Variants in PPARG observed in about 807,000 individuals in gnomAD.
The protein encoded by PPARG is peroxisome proliferator-activated receptor gamma.
Under a neutral mutation model 39.2 loss-of-function variants are expected in PPARG, and 17 were observed. The observed-to-expected ratio is 0.43, with a 90% CI of 0.30 to 0.65. PPARG has a LOEUF of 0.65. Among genes scored for constraint, PPARG ranks in the 30% least tolerant of loss-of-function variants. The pLI, the probability that PPARG is intolerant of heterozygous loss-of-function variation, is 0.13. For missense variants in PPARG, 406 were observed against 585.9 expected (o/e 0.69, Z 3.17); for synonymous variants, 223 against 215.7 (o/e 1.03, Z -0.30).
intron 4 of PPARG, among the ~76,000 whole-genome samples, chr3:12,387,161 A>G (rs937292250): frequency 2.0e-5 from 3 of 152,212 alleles, no homozygotes; most frequent in African/African-American, 7.2e-5. Context: ...GCTGTTGTGA[A>G]TAGTGCCATA....
rs1452115683 is a variant in PPARG, at chr3:12,410,574, G to A, written c.729+4493G>A. 3.9e-5 allele frequency among the ~76,000 whole-genome samples: 6 copies of A among 152,258 alleles called. No individual in the cohort carries two copies. The East Asian group carries it at 1.2e-3, about 29-fold the overall frequency. ...AAAACTTTTTATTTGTGCTATATTG[G>A]ACTTTGGGTTCCAAAGCATCACATT... On this transcript the variant is annotated intron_variant, in intron 6 of 7. Coordinates refer to ENST00000651735, the MANE Select transcript of PPARG (RefSeq NM_138711.6).
intron 2 of PPARG, among the ~76,000 whole-genome samples, chr3:12,335,461 G>A (rs918319043): frequency 2.0e-5 from 3 of 152,158 alleles, no homozygotes; most frequent in African/African-American, 7.2e-5. Context: ...CATTTTTAGA[G>A]TGTGGTTCCT....
chr3:12,291,484 G>A (rs2046647969), intron 1 of PPARG, among the ~76,000 whole-genome samples: 1 of 152,098 alleles, frequency 6.6e-6, no homozygotes, highest in Admixed American at 6.5e-5. Flanking sequence ...CTTACTGTTT[G>A]CGTTTTCTCA....
At chr3:12,305,107 C>T (rs1248248276) in intron 1 of PPARG, among the ~76,000 whole-genome samples, 4 of 151,822 alleles carry the variant, frequency 2.6e-5, no homozygotes, top group Non-Finnish European at 4.4e-5. Flanking sequence ...TCCCCTTTTT[C>T]GTTCCTGGTG....
At chr3:12,357,277 G>C (rs2048698339) in intron 2 of PPARG, among the ~76,000 whole-genome samples, 1 of 151,978 alleles carries the variant, frequency 6.6e-6, no homozygotes, top group Admixed American at 6.6e-5. Context: ...GACCCCTCTG[G>C]TCTTCTCTCT....
At chr3:12,377,785 A>G (rs1490890036) in intron 2 of PPARG, among the ~76,000 whole-genome samples, 2 of 152,186 alleles carry the variant, frequency 1.3e-5, no homozygotes, top group African/African-American at 2.4e-5. Flanking sequence ...CTTCACCACA[A>G]AGGAAATAAT....
Position 12,417,523 on chromosome 3 carries a change from G to A in PPARG, c.1180+369G>A, listed in dbSNP as rs570952572. On this transcript the variant is annotated intron_variant, in intron 7 of 7. Coordinates refer to ENST00000651735, the MANE Select transcript of PPARG (RefSeq NM_138711.6). The stretch of plus-strand genomic sequence containing the variant: ...TGTAAGTAATGGCATGTATAACTTT[G>A]CTTAAGACAATGCTCACTTGATGTA... 3.3e-5 allele frequency among the ~76,000 whole-genome samples: 5 copies of A among 152,148 alleles called. No homozygotes were observed. In the South Asian group the frequency reaches 1.0e-3, roughly 32 times the overall value.
intron 2 of PPARG, among the ~76,000 whole-genome samples, chr3:12,330,047 G>A (rs1005384889): frequency 6.6e-5 from 10 of 152,086 alleles, no homozygotes; most frequent in African/African-American, 2.4e-4. Flanking sequence ...TCTACTGATG[G>A]ATACTTGGGT....
At chr3:12,380,761 G>C (rs1347142532) in intron 3 of PPARG, among the ~76,000 whole-genome samples, 1 of 152,152 alleles carries the variant, frequency 6.6e-6, no homozygotes, top group Admixed American at 6.6e-5. Flanking sequence ...ACTTCCATAA[G>C]TTCCGCCACG....
chr3:12,406,681 A>G (rs2050685086), intron 6 of PPARG: 1 of 158,610 alleles, frequency 6.3e-6, no homozygotes. Flanking sequence ...CTGGGATTAC[A>G]GGTGTGCACG....
At chr3:12,408,303 T>C (rs1468714753) in intron 6 of PPARG, among the ~76,000 whole-genome samples, 1 of 152,246 alleles carries the variant, frequency 6.6e-6, no homozygotes, top group African/African-American at 2.4e-5. Context: ...TCTGTTCTTT[T>C]CAAATTACAA....
chr3:12,414,024 C>A (rs999796256), intron 6 of PPARG, among the ~76,000 whole-genome samples: 1 of 152,012 alleles, frequency 6.6e-6, no homozygotes, highest in Non-Finnish European at 1.5e-5. Context: ...AAACAGGAAC[C>A]TGGAGCTTTA....
chr3:12,334,323 C>T (rs924811666), intron 2 of PPARG, among the ~76,000 whole-genome samples: 2 of 151,624 alleles, frequency 1.3e-5, no homozygotes, highest in East Asian at 1.9e-4. Flanking sequence ...CTCTGCCTCC[C>T]GGGTTCAAAC....
In PPARG at chr3:12,429,552, CAAAA is replaced by C. The variant is rs753288907; in HGVS notation, c.1181-4328_1181-4325del. 1.1e-4 allele frequency among the ~76,000 whole-genome samples: 11 copies of C among 99,622 alleles called. 1 individual carries two copies. The highest frequency in any genetic ancestry group is 3.6e-4 in the South Asian group (1 of 2,814). The allele number at this position is 99,622 out of a possible 152,430, so 65.4% of individuals were successfully genotyped here. ...GAAAATGTAGAGATTCTGTCTCTAC[CAAAA>C]AAAAAAAAAAAAAAAAAGAAGCAGG... On this transcript the variant is annotated intron_variant, in intron 7 of 7. Coordinates refer to ENST00000651735, the MANE Select transcript of PPARG (RefSeq NM_138711.6).
At position 12,293,127 on chromosome 3, in the gene PPARG, C is replaced by A. The variant is rs569103034; in HGVS notation, c.-83+3993C>A. On this transcript the variant is annotated intron_variant, in intron 1 of 7. Coordinates refer to ENST00000651735, the MANE Select transcript of PPARG (RefSeq NM_138711.6). ...GCCAGGCTGTTCTCAACTTGAAAAT[C>A]TTTTGTGGGACAGTGCCATGAATTT... is the stretch of plus-strand genomic sequence containing the variant. 2.4e-3 allele frequency among the ~76,000 whole-genome samples: 365 copies of A among 152,242 alleles called. 2 individuals carry two copies. Among genetic ancestry groups the A allele is most frequent in the African/African-American group, 8.0e-3 (334 of 41,558 alleles).
chr3:12,292,790 G>A (rs375377252), intron 1 of PPARG, among the ~76,000 whole-genome samples: 14 of 152,290 alleles, frequency 9.2e-5, no homozygotes, highest in Admixed American at 5.2e-4. Context: ...GGGTGATGGG[G>A]TGAAGAGGCT....
chr3:12,296,032 A>C (rs1481931423), intron 1 of PPARG, among the ~76,000 whole-genome samples: 3 of 151,964 alleles, frequency 2.0e-5, no homozygotes, highest in African/African-American at 7.2e-5. Context: ...TAGGCAGATC[A>C]CTTGAGGCCA....
At chr3:12,432,231 T>C (rs2051685197) in intron 7 of PPARG, among the ~76,000 whole-genome samples, 1 of 152,176 alleles carries the variant, frequency 6.6e-6, no homozygotes, top group Admixed American at 6.5e-5. Context: ...ACATTGTTAC[T>C]AAAACAGGCA....
intron 5 of PPARG, among the ~76,000 whole-genome samples, chr3:12,405,322 C>G (rs559045420): frequency 3.9e-5 from 6 of 152,314 alleles, no homozygotes; most frequent in African/African-American, 1.4e-4. Flanking sequence ...CTTCTCTCCG[C>G]TACATGTAAA....
Sources: allele counts gnomAD v4.1 joint callset (sites outside exome capture counted in the v4.1 genomes callset), GRCh38; gene constraint gnomAD v4.1.1; transcripts MANE v1.5; gene names NCBI Gene and HGNC (gene_info 2026-07-23, HGNC 2026-07-21).